The following NWD2 variants were observed in gnomAD, a reference collection of about 807,000 sequenced individuals.
NWD2 encodes NACHT and WD repeat domain-containing protein 2.
A neutral mutation model predicts 132.7 loss-of-function variants in NWD2; 37 were observed. The observed-to-expected ratio is 0.28, with a 90% CI of 0.21 to 0.37. NWD2 has a LOEUF of 0.37. Ranked by LOEUF, NWD2 falls within the 10% of genes least tolerant of loss-of-function variation. The pLI is 1.00. For synonymous variants in NWD2, 705 were observed against 803.0 expected, an observed-to-expected ratio of 0.88 and a Z score of 2.06; for missense variants, 1,592 against 2,122.4, an observed-to-expected ratio of 0.75 and a Z score of 4.91.
chr4:37,277,937 G>A (rs998701458), intron 1 of NWD2, among the ~76,000 whole-genome samples: 2 of 152,060 alleles, frequency 1.3e-5, no homozygotes, highest in South Asian at 2.1e-4. Context: ...CTGCCCTGCA[G>A]TATGATTCCA....
intron 3 of NWD2, among the ~76,000 whole-genome samples, chr4:37,415,631 G>T (rs925656729): frequency 6.6e-6 from 1 of 150,962 alleles, no homozygotes. Context: ...GTGAACCTGC[G>T]AGGTGGAGCT....
intron 1 of NWD2, among the ~76,000 whole-genome samples, chr4:37,279,070 A>T (rs1413311990): frequency 6.6e-6 from 1 of 152,224 alleles, no homozygotes; most frequent in Non-Finnish European, 1.5e-5. Context: ...TTGATTAAAA[A>T]AAACACATAC....
rs1711976304 is a variant in NWD2, at chr4:37,425,561, A to C, written c.358-5011A>C. On this transcript the variant is annotated intron_variant, in intron 3 of 6. Coordinates refer to ENST00000309447, the MANE Select transcript of NWD2 (RefSeq NM_001144990.2). Reference sequence around the variant, plus strand: ...TATTGACAGAATGTTTAAACTATTCAATAAAAAGAAAATTCTTTCAGTCAT... The same window carrying C: ...TATTGACAGAATGTTTAAACTATTCCATAAAAAGAAAATTCTTTCAGTCAT... 2.6e-5 allele frequency among the ~76,000 whole-genome samples: 4 copies of C among 152,322 alleles called. No homozygotes were observed. The South Asian group carries it at 8.3e-4, about 32-fold the overall frequency.
intron 1 of NWD2, among the ~76,000 whole-genome samples, chr4:37,310,952 A>G (rs2109280772): frequency 6.6e-6 from 1 of 151,978 alleles, no homozygotes; most frequent in South Asian, 2.1e-4. Flanking sequence ...GTCCCTACAA[A>G]GGACATGAAC....
intron 2 of NWD2, among the ~76,000 whole-genome samples, chr4:37,341,262 T>C (rs887389628): frequency 6.6e-6 from 1 of 152,234 alleles, no homozygotes; most frequent in African/African-American, 2.4e-5. Context: ...TCTGAGCACC[T>C]TTAAGGTAGA....
intron 1 of NWD2, among the ~76,000 whole-genome samples, chr4:37,267,087 TGTG>T (rs1243032652): frequency 6.6e-6 from 1 of 151,890 alleles, no homozygotes; most frequent in African/African-American, 2.4e-5. Flanking sequence ...ACAAAACTCA[TGTG>T]GTCATAAAGG....
chr4:37,389,867 A>G lies in NWD2; in HGVS notation c.357+33385A>G, dbSNP rs1032475836. Among the ~76,000 whole-genome samples, 10 of 151,358 alleles carry G rather than the reference A, an allele frequency of 6.6e-5. No individual in the cohort carries two copies. The East Asian group carries it at 1.4e-3, about 21-fold the overall frequency. On this transcript the variant is annotated intron_variant, in intron 3 of 6. Coordinates refer to ENST00000309447, the MANE Select transcript of NWD2 (RefSeq NM_001144990.2). ...ACAGTCTCGGCTCACTGCAACCTCT[A>G]CCTCCCGGGTTCAAGAGATTCTCCT...
chr4:37,436,653 T>G (rs114925668), intron 5 of NWD2, among the ~76,000 whole-genome samples: 4,819 of 152,240 alleles, frequency 0.032, 180 homozygotes, highest in Non-Finnish European at 0.043. Flanking sequence ...GCATTATATA[T>G]AGATACTACA....
At chr4:37,389,430 C>T (rs925523951) in intron 3 of NWD2, among the ~76,000 whole-genome samples, 2 of 152,212 alleles carry the variant, frequency 1.3e-5, no homozygotes, top group African/African-American at 4.8e-5. Flanking sequence ...TTTATCATAG[C>T]GAGAAGCAAG....
intron 2 of NWD2, 94 bp from the exon 3 acceptor site, chr4:37,356,272 G>A (rs1203500001): frequency 3.2e-6 from 2 of 620,350 alleles, no homozygotes; most frequent in Admixed American, 3.4e-5. Context: ...AAAACATGCT[G>A]CAAAGAGAAA....
intron 1 of NWD2, among the ~76,000 whole-genome samples, chr4:37,292,443 A>C (rs757624895): frequency 7.2e-5 from 11 of 152,078 alleles, no homozygotes; most frequent in Non-Finnish European, 1.5e-4. Context: ...ACCTCATCAG[A>C]TACCAAATCT....
At chr4:37,256,912 C>T (rs1717531972) in intron 1 of NWD2, among the ~76,000 whole-genome samples, 1 of 152,126 alleles carries the variant, frequency 6.6e-6, no homozygotes, top group South Asian at 2.1e-4. Context: ...AAATTTGGGG[C>T]TCTCTTATTA....
intron 3 of NWD2, among the ~76,000 whole-genome samples, chr4:37,367,844 A>T (rs1298060706): frequency 6.6e-6 from 1 of 152,142 alleles, no homozygotes; most frequent in African/African-American, 2.4e-5. Context: ...CCTGATGTCT[A>T]ACTAGTAAGG....
At chr4:37,318,701 A>G (rs1719008601) in intron 1 of NWD2, among the ~76,000 whole-genome samples, 1 of 150,572 alleles carries the variant, frequency 6.6e-6, no homozygotes, top group African/African-American at 2.5e-5. Flanking sequence ...TTTGGTTTTT[A>G]TTATGTAAAA....
chr4:37,406,916 G>A (rs1721053765), intron 3 of NWD2, among the ~76,000 whole-genome samples: 1 of 152,094 alleles, frequency 6.6e-6, no homozygotes. Flanking sequence ...AAGAAAAAAT[G>A]AGTTCATGTC....
chr4:37,283,637 G>GA (rs1465290404), intron 1 of NWD2, among the ~76,000 whole-genome samples: 1 of 151,884 alleles, frequency 6.6e-6, no homozygotes, highest in African/African-American at 2.4e-5. Context: ...TTGTATTTCT[G>GA]AAAAAAATGG....
chr4:37,426,423 T>C (rs1048396830), intron 3 of NWD2, among the ~76,000 whole-genome samples: 11 of 152,238 alleles, frequency 7.2e-5, no homozygotes, highest in African/African-American at 2.7e-4. Flanking sequence ...GCACTCAATA[T>C]GTATTTGTTA....
intron 3 of NWD2, among the ~76,000 whole-genome samples, chr4:37,371,078 CTTT>C (rs11378524): frequency 8.3e-6 from 1 of 121,204 alleles, no homozygotes; most frequent in African/African-American, 3.1e-5. Flanking sequence ...TTTTCTTTTT[CTTT>C]TTTTTTTTTT....
intron 1 of NWD2, among the ~76,000 whole-genome samples, chr4:37,250,537 A>G (rs1717337756): frequency 6.6e-6 from 1 of 152,228 alleles, no homozygotes; most frequent in Non-Finnish European, 1.5e-5. Context: ...TACATAAGCT[A>G]ATAGATGTGA....
Sources: gnomAD v4.1 joint callset for allele counts (sites outside exome capture counted in the v4.1 genomes callset) on GRCh38, gnomAD v4.1.1 for gene constraint, MANE v1.5 for transcripts, NCBI Gene and HGNC (gene_info 2026-07-23, HGNC 2026-07-21) for gene names.